The following CNTNAP2 variants were observed in gnomAD, a reference collection of about 807,000 sequenced individuals.
CNTNAP2 encodes contactin-associated protein-like 2.
CNTNAP2 carries 98 observed loss-of-function variants against 155.2 expected under a neutral mutation model. The observed-to-expected ratio is 0.63, with a 90% confidence interval of 0.54 to 0.75. CNTNAP2 has a LOEUF of 0.75. CNTNAP2 is among the 30% of genes least tolerant of loss of function. The probability of loss-of-function intolerance (pLI) is 0.00; values close to 1 mark genes in which losing one functional copy is unlikely to be tolerated. For synonymous variants in CNTNAP2, 651 were observed against 631.2 expected (o/e 1.03, Z -0.47); for missense variants, 1,727 against 1,688.1 (o/e 1.02, Z -0.40).
intron 8 of CNTNAP2, among the ~76,000 whole-genome samples, chr7:147,295,955 C>G (rs1393254389): frequency 1.3e-5 from 2 of 152,016 alleles, no homozygotes; most frequent in East Asian, 1.9e-4. Flanking sequence ...AATAAAATAA[C>G]CTTTTAATTT....
chr7:147,412,135 G>A (rs1001031875), intron 10 of CNTNAP2, among the ~76,000 whole-genome samples: 6 of 152,078 alleles, frequency 3.9e-5, no homozygotes, highest in East Asian at 3.9e-4. Context: ...CCTCCTACTC[G>A]AAATTCATCA....
At chr7:147,949,458 A>ATATATATATATATAT (rs1433579404) in intron 14 of CNTNAP2, among the ~76,000 whole-genome samples, 2 of 137,388 alleles carry the variant, frequency 1.5e-5, no homozygotes, top group Non-Finnish European at 3.1e-5. Flanking sequence ...ATATATATAT[A>ATATATATATATATAT]TTTTTTTTTT....
chr7:147,026,610 G>T, intron 3 of CNTNAP2, among the ~76,000 whole-genome samples: 2 of 150,184 alleles, frequency 1.3e-5, no homozygotes, highest in Non-Finnish European at 1.5e-5. Flanking sequence ...TTCTGTTAGA[G>T]ATTTTCTTTC....
intron 3 of CNTNAP2, among the ~76,000 whole-genome samples, chr7:146,906,264 A>G (rs1242620533): frequency 1.3e-5 from 2 of 152,236 alleles, no homozygotes; most frequent in Non-Finnish European, 2.9e-5. Flanking sequence ...TAGGTAAACA[A>G]AGCAGCCAGG....
At chr7:147,473,438 C>T (rs947232242) in intron 10 of CNTNAP2, among the ~76,000 whole-genome samples, 2 of 151,918 alleles carry the variant, frequency 1.3e-5, no homozygotes, top group African/African-American at 2.4e-5. Context: ...TTTCAAATAG[C>T]GGCAGCACCG....
chr7:146,228,330 A>G (rs1799329372), intron 1 of CNTNAP2, among the ~76,000 whole-genome samples: 1 of 152,200 alleles, frequency 6.6e-6, no homozygotes, highest in Admixed American at 6.5e-5. Flanking sequence ...TCTCAACAGC[A>G]TAACTTTCTA....
chr7:146,940,901 T>A (rs1797043044), intron 3 of CNTNAP2, among the ~76,000 whole-genome samples: 1 of 152,126 alleles, frequency 6.6e-6, no homozygotes, highest in African/African-American at 2.4e-5. Context: ...CACTTTCTAA[T>A]TATATAATTA....
In CNTNAP2 at chr7:148,172,493, A is replaced by G; in HGVS notation, c.3010+15A>G. 6.2e-7 allele frequency: 1 copy of G among 1,608,180 alleles called. No homozygotes were observed. Among genetic ancestry groups the G allele is most frequent in the Non-Finnish European group, 8.5e-7 (1 of 1,174,650 alleles). On this transcript the variant is annotated intron_variant, in intron 18 of 23. Coordinates refer to ENST00000361727, the MANE Select transcript of CNTNAP2 (RefSeq NM_014141.6). ...TTGCAACAAAGGTAAGGTGGAACCC[A>G]TTTCCAGAGCCACTTTTGCGTGTCT...
At chr7:148,266,989 G>A (rs1247200217) in intron 20 of CNTNAP2, 44 bp from the exon 21 acceptor site, 3 of 1,568,022 alleles carry the variant, frequency 1.9e-6, no homozygotes, top group East Asian at 4.5e-5. Flanking sequence ...TCCACACAGG[G>A]TAGAGACGTG....
intron 9 of CNTNAP2, among the ~76,000 whole-genome samples, chr7:147,374,863 C>T (rs1270057463): frequency 6.6e-6 from 1 of 151,976 alleles, no homozygotes; most frequent in Non-Finnish European, 1.5e-5. Context: ...TCAGTAATTT[C>T]ACACATATTT....
intron 1 of CNTNAP2, among the ~76,000 whole-genome samples, chr7:146,151,660 A>ATGTG (rs1288441094): frequency 1.8e-5 from 1 of 55,224 alleles, no homozygotes; most frequent in Non-Finnish European, 3.4e-5. Flanking sequence ...ATATATATAT[A>ATGTG]TATATATATA....
intron 1 of CNTNAP2, among the ~76,000 whole-genome samples, chr7:146,585,043 C>T (rs372877890): frequency 1.3e-5 from 2 of 152,222 alleles, no homozygotes; most frequent in African/African-American, 4.8e-5. Flanking sequence ...TCAGTTCATG[C>T]GTTGAATCAC....
chr7:146,896,072 T>C (rs1431419202), intron 3 of CNTNAP2, among the ~76,000 whole-genome samples: 1 of 152,118 alleles, frequency 6.6e-6, no homozygotes, highest in Non-Finnish European at 1.5e-5. Context: ...TATTGGGATA[T>C]ACTATTATCT....
At chr7:146,939,695 C>G (rs908758856) in intron 3 of CNTNAP2, among the ~76,000 whole-genome samples, 1 of 152,210 alleles carries the variant, frequency 6.6e-6, no homozygotes, top group Non-Finnish European at 1.5e-5. Context: ...CTCAGTGTCT[C>G]AAGAGCATCC....
chr7:146,213,208 C>T (rs567232307), intron 1 of CNTNAP2, among the ~76,000 whole-genome samples: 1 of 152,096 alleles, frequency 6.6e-6, no homozygotes, highest in Admixed American at 6.6e-5. Flanking sequence ...AATTTCAATA[C>T]ATGTCCAATT....
chr7:147,572,290 C>T (rs1001593614), intron 12 of CNTNAP2, among the ~76,000 whole-genome samples: 2 of 151,488 alleles, frequency 1.3e-5, no homozygotes, highest in Non-Finnish European at 2.9e-5. Flanking sequence ...AAATGGTTTT[C>T]AAACTTCAAA....
chr7:147,889,760 G>T (rs915960246), intron 13 of CNTNAP2, among the ~76,000 whole-genome samples: 1 of 152,162 alleles, frequency 6.6e-6, no homozygotes, highest in African/African-American at 2.4e-5. Flanking sequence ...TAGCTAGTGA[G>T]ACTGAAAAAC....
intron 21 of CNTNAP2, among the ~76,000 whole-genome samples, chr7:148,306,281 A>G (rs1019531446): frequency 1.3e-5 from 2 of 152,088 alleles, no homozygotes; most frequent in African/African-American, 4.8e-5. Flanking sequence ...TCTCATGAAT[A>G]TTATTTGATG....
chr7:147,541,879 G>A (rs557953532), intron 11 of CNTNAP2, among the ~76,000 whole-genome samples: 8 of 152,126 alleles, frequency 5.3e-5, no homozygotes, highest in East Asian at 3.9e-4. Flanking sequence ...TGAAATCATC[G>A]AGCAACTTTT....
Sources: allele counts gnomAD v4.1 joint callset (sites outside exome capture counted in the v4.1 genomes callset), GRCh38; gene constraint gnomAD v4.1.1; transcripts MANE v1.5; gene names NCBI Gene and HGNC (gene_info 2026-07-23, HGNC 2026-07-21).